KIAA2012: variants seen among roughly 807,000 people sequenced by gnomAD.
KIAA2012 encodes uncharacterized protein KIAA2012.
In KIAA2012, 125 loss-of-function variants were observed where a neutral mutation model predicts 150.6. The ratio of observed to expected loss-of-function variants is 0.83; its 90% CI spans 0.72 to 0.96. KIAA2012 has a LOEUF of 0.96. KIAA2012 is among the 40% of genes least tolerant of loss of function. The pLI, the probability that KIAA2012 is intolerant of heterozygous loss-of-function variation, is 0.00. For missense variants in KIAA2012, 1,219 were observed against 1,354.9 expected, an observed-to-expected ratio of 0.90 and a Z score of 1.57; for synonymous variants, 462 against 504.7, an observed-to-expected ratio of 0.92 and a Z score of 1.13.
At chr2:202,085,370 G>C (rs1316927350) in intron 2 of KIAA2012, among the ~76,000 whole-genome samples, 1 of 152,146 alleles carries the variant, frequency 6.6e-6, no homozygotes, top group Non-Finnish European at 1.5e-5. Flanking sequence ...GGATGATCCA[G>C]GTGGACCCAA....
At chr2:202,100,519 A>G in intron 7 of KIAA2012, 70 bp downstream of exon 7, 2 of 1,458,906 alleles carry the variant, frequency 1.4e-6, no homozygotes, top group Non-Finnish European at 1.8e-6. Flanking sequence ...GTTTAATCCT[A>G]ATCTAGAAAT....
chr2:202,204,169 T>C (rs1356372717), intron 23 of KIAA2012, among the ~76,000 whole-genome samples: 1 of 150,458 alleles, frequency 6.6e-6, no homozygotes, highest in African/African-American at 2.4e-5. Flanking sequence ...TTTGACCTCC[T>C]GGGCTCAAAC....
chr2:202,097,639 GA>G, intron 5 of KIAA2012, 62 bp downstream of exon 5: 2 of 1,514,904 alleles, frequency 1.3e-6, no homozygotes, highest in Non-Finnish European at 1.8e-6. Flanking sequence ...ACCCAGGCTA[GA>G]GTGCAATGGC....
At chr2:202,185,693 T>G (rs1214460173) in intron 16 of KIAA2012, among the ~76,000 whole-genome samples, 1 of 152,120 alleles carries the variant, frequency 6.6e-6, no homozygotes, top group Middle Eastern at 3.2e-3. Flanking sequence ...CCTTTGTGAC[T>G]TAATTTCAGG....
chr2:202,134,194 C>T (rs1691014436), intron 12 of KIAA2012, among the ~76,000 whole-genome samples: 1 of 152,172 alleles, frequency 6.6e-6, no homozygotes, highest in African/African-American at 2.4e-5. Context: ...GGTGATGAAA[C>T]ATTGCAAGTT....
At chr2:202,151,271 C>G (rs1213975321) in intron 13 of KIAA2012, among the ~76,000 whole-genome samples, 1 of 152,082 alleles carries the variant, frequency 6.6e-6, no homozygotes, top group Non-Finnish European at 1.5e-5. Context: ...GTGGCACACA[C>G]CTGTAGTCCC....
intron 9 of KIAA2012, 28 bp from the exon 10 acceptor site, chr2:202,109,585 C>A: frequency 6.7e-7 from 1 of 1,492,598 alleles, no homozygotes; most frequent in Non-Finnish European, 8.9e-7. Flanking sequence ...TTTTCTCACA[C>A]AGGCTTTTTC....
In KIAA2012 at chr2:202,102,944, A is replaced by T; in HGVS notation, c.1156-2A>T. On this transcript the variant is annotated splice_acceptor_variant, in intron 7 of 23. Coordinates refer to ENST00000498697, the MANE Select transcript of KIAA2012 (RefSeq NM_001277372.4). LOFTEE classifies it high-confidence loss of function. ...ATCGTTTTGTTTTTAAATTTTCTCC[A>T]GGCACCAAAGGCTTTGAAATTACCT... 6.5e-7 allele frequency: 1 copy of T among 1,547,674 alleles called. No homozygotes were observed. Among genetic ancestry groups the T allele is most frequent in the Non-Finnish European group, 8.7e-7 (1 of 1,146,110 alleles).
chr2:202,132,047 A>G (rs1212430167), intron 12 of KIAA2012, among the ~76,000 whole-genome samples: 2 of 152,118 alleles, frequency 1.3e-5, no homozygotes, highest in African/African-American at 4.8e-5. Flanking sequence ...GTGATGGTGC[A>G]TGCCTGTAAT....
rs370524075 is a variant in KIAA2012, at chr2:202,183,468, T to G, written c.2120-1285T>G. ...TGTTTTTTGGGGGGTTTTTGGGGGG[T>G]TTTTTAAATTTTTTTTTTTTTTTTT... is the stretch of plus-strand genomic sequence containing the variant. On this transcript the variant is annotated intron_variant, in intron 15 of 23. Transcript: ENST00000498697. Among the ~76,000 whole-genome samples the G allele has an allele frequency of 5.4e-3, 638 of 117,726 alleles. 4 individuals are homozygous for G. The highest frequency in any genetic ancestry group is 0.018 in the African/African-American group (574 of 31,958). The allele number at this position is 117,726 out of a possible 152,430, so 77.2% of individuals were successfully genotyped here.
intron 13 of KIAA2012, among the ~76,000 whole-genome samples, chr2:202,142,289 A>C (rs1575033163): frequency 6.6e-6 from 1 of 152,234 alleles, no homozygotes; most frequent in East Asian, 1.9e-4. Context: ...CCCTTTGTAA[A>C]GCAAAATGGC....
At chr2:202,139,891 C>T (rs1038249543) in intron 13 of KIAA2012, among the ~76,000 whole-genome samples, 1 of 152,206 alleles carries the variant, frequency 6.6e-6, no homozygotes, top group Admixed American at 6.5e-5. Flanking sequence ...CAAATTCACA[C>T]AGCCCCACGG....
chr2:202,103,462 C>CAA (rs574240454), intron 8 of KIAA2012, among the ~76,000 whole-genome samples: 29 of 150,460 alleles, frequency 1.9e-4, no homozygotes, highest in African/African-American at 5.6e-4. Context: ...TAAAACAAGA[C>CAA]AACTAAAATT....
intron 16 of KIAA2012, among the ~76,000 whole-genome samples, chr2:202,185,322 G>A (rs1692206260): frequency 6.6e-6 from 1 of 152,212 alleles, no homozygotes; most frequent in Non-Finnish European, 1.5e-5. Flanking sequence ...GTCAGGCGTA[G>A]TGTTTTGACT....
Position 202,118,280 on chromosome 2 carries a change from A to G in KIAA2012, c.1762+4834A>G, listed in dbSNP as rs139758591. On this transcript the variant is annotated intron_variant, in intron 11 of 23. Transcript: ENST00000498697. ...AATGTTGGCAGGTGTTACCAGTACT[A>G]GTGATCTCTGGTCAAATGTTTGAGT... 2.2e-3 allele frequency among the ~76,000 whole-genome samples: 342 copies of G among 152,266 alleles called. 1 individual carries two copies. The highest frequency in any genetic ancestry group is 7.7e-3 in the African/African-American group (319 of 41,548).
chr2:202,132,716 G>GTA (rs1393772271), intron 12 of KIAA2012, among the ~76,000 whole-genome samples: 8 of 99,048 alleles, frequency 8.1e-5, no homozygotes, highest in South Asian at 3.1e-4. Flanking sequence ...ATGTATATAT[G>GTA]TATATATATA....
chr2:202,154,560 T>C, intron 13 of KIAA2012, 113 bp from the exon 14 acceptor site: 1 of 952,898 alleles, frequency 1.0e-6, no homozygotes, highest in Non-Finnish European at 1.5e-6. Flanking sequence ...TGCGTATTAT[T>C]GTTTCAATGA....
chr2:202,120,029 C>A (rs1690621076), intron 11 of KIAA2012, among the ~76,000 whole-genome samples: 1 of 152,194 alleles, frequency 6.6e-6, no homozygotes, highest in African/African-American at 2.4e-5. Context: ...TGCTGCTATC[C>A]ATGTAAGATG....
Position 202,145,039 on chromosome 2 carries a change from CG to C in KIAA2012, c.1908+6535del, listed in dbSNP as rs551050878. 2.5e-3 allele frequency among the ~76,000 whole-genome samples: 385 copies of C among 152,188 alleles called. 2 individuals carry two copies. The highest frequency in any genetic ancestry group is 3.0e-3 in the Admixed American group (46 of 15,288). On this transcript the variant is annotated intron_variant, in intron 13 of 23. Transcript: ENST00000498697. ...AAAAGCTTTGGGTCATGTGCAGACTCGGGGATGTCACTAGGCATCCTTCTTG... is the reference window on the plus strand; with the variant it reads ...AAAAGCTTTGGGTCATGTGCAGACTCGGGATGTCACTAGGCATCCTTCTTG...
Sources: allele counts gnomAD v4.1 joint callset (sites outside exome capture counted in the v4.1 genomes callset), GRCh38; gene constraint gnomAD v4.1.1; transcripts MANE v1.5; gene names NCBI Gene and HGNC (gene_info 2026-07-23, HGNC 2026-07-21).